NTM: variants seen among roughly 807,000 people sequenced by gnomAD.
NTM encodes IgLON family member 2.
Under a neutral mutation model 42.1 loss-of-function variants are expected in NTM, and 13 were observed. The ratio of observed to expected loss-of-function variants is 0.31; its 90% CI spans 0.20 to 0.49. The LOEUF (loss-of-function observed/expected upper bound fraction) is 0.49. Ranked by LOEUF, NTM falls within the 20% of genes least tolerant of loss-of-function variation. The pLI, the probability that NTM is intolerant of heterozygous loss-of-function variation, is 0.99. For missense variants in NTM, 373 were observed against 452.8 expected (o/e 0.82, Z 1.60); for synonymous variants, 187 against 179.2 (o/e 1.04, Z -0.35).
chr11:131,472,124 T>C (rs1327711667), intron 1 of NTM, among the ~76,000 whole-genome samples: 1 of 152,202 alleles, frequency 6.6e-6, no homozygotes, highest in Non-Finnish European at 1.5e-5. Flanking sequence ...GAGGCTGTAA[T>C]TGAGTCTCTT....
intron 2 of NTM, among the ~76,000 whole-genome samples, chr11:132,073,578 G>C (rs1299121632): frequency 3.3e-5 from 5 of 152,138 alleles, no homozygotes; most frequent in Admixed American, 3.3e-4. Context: ...GAGGTTCAGA[G>C]TGTCTTGACC....
intron 2 of NTM, among the ~76,000 whole-genome samples, chr11:131,951,470 C>T (rs1290565849): frequency 6.6e-6 from 1 of 152,162 alleles, no homozygotes; most frequent in African/African-American, 2.4e-5. Flanking sequence ...TATTAACCTG[C>T]TCCTCTGAAT....
At chr11:132,122,805 C>T (rs2065054350) in intron 2 of NTM, among the ~76,000 whole-genome samples, 1 of 152,130 alleles carries the variant, frequency 6.6e-6, no homozygotes, top group African/African-American at 2.4e-5. Context: ...CTTAAGTTTG[C>T]CCTGTTCAGA....
At chr11:131,740,154 G>A (rs180822855) in intron 1 of NTM, among the ~76,000 whole-genome samples, 113 of 152,324 alleles carry the variant, frequency 7.4e-4, no homozygotes, top group African/African-American at 2.5e-3. Context: ...TCACAGTGGT[G>A]TGGTGGAAAG....
intron 4 of NTM, among the ~76,000 whole-genome samples, chr11:132,255,009 C>T (rs927818748): frequency 6.6e-6 from 1 of 152,208 alleles, no homozygotes; most frequent in African/African-American, 2.4e-5. Context: ...GCAACATCTT[C>T]CCCATTTGGG....
At chr11:132,321,054 G>A (rs978462188) in intron 7 of NTM, among the ~76,000 whole-genome samples, 2 of 151,752 alleles carry the variant, frequency 1.3e-5, no homozygotes, top group Non-Finnish European at 2.9e-5. Flanking sequence ...ACCAAAAGTA[G>A]ATAAAACCAC....
chr11:131,635,649 TATTA>T (rs1240306146), intron 1 of NTM, among the ~76,000 whole-genome samples: 1 of 152,200 alleles, frequency 6.6e-6, no homozygotes, highest in Non-Finnish European at 1.5e-5. Flanking sequence ...AAGACTTTTT[TATTA>T]ATTTAGTGTA....
chr11:131,463,667 T>G (rs369317299), intron 1 of NTM, among the ~76,000 whole-genome samples: 151 of 152,366 alleles, frequency 9.9e-4, no homozygotes, highest in African/African-American at 3.5e-3. Flanking sequence ...TGAACTAGCT[T>G]TACATTGTCC....
intron 1 of NTM, among the ~76,000 whole-genome samples, chr11:131,410,785 G>C (rs921880762): frequency 2.0e-5 from 3 of 151,942 alleles, no homozygotes; most frequent in Non-Finnish European, 4.4e-5. Context: ...ATTTATGCCT[G>C]GTGTTCCATT....
At chr11:131,424,600 C>CTTTTCTT (rs1555108116) in intron 1 of NTM, among the ~76,000 whole-genome samples, 18 of 56,000 alleles carry the variant, frequency 3.2e-4, no homozygotes, top group Non-Finnish European at 4.4e-4. Context: ...CTTTTCTTTT[C>CTTTTCTT]TTTTTTTTTT....
intron 1 of NTM, among the ~76,000 whole-genome samples, chr11:131,696,304 CA>C (rs1463467332): frequency 6.6e-6 from 1 of 152,114 alleles, no homozygotes; most frequent in Non-Finnish European, 1.5e-5. Context: ...TCCGGGAAAA[CA>C]AGGCTTGATG....
At chr11:131,705,103 A>G (rs2076462370) in intron 1 of NTM, among the ~76,000 whole-genome samples, 1 of 152,224 alleles carries the variant, frequency 6.6e-6, no homozygotes, top group Admixed American at 6.5e-5. Context: ...GGAGAGGGAA[A>G]TGAACATCCA....
intron 3 of NTM, among the ~76,000 whole-genome samples, chr11:132,156,145 C>G (rs2073139943): frequency 6.6e-6 from 1 of 152,206 alleles, no homozygotes; most frequent in Non-Finnish European, 1.5e-5. Context: ...CAAACCAAAT[C>G]TGGAGGTTCC....
intron 2 of NTM, among the ~76,000 whole-genome samples, chr11:131,936,609 C>CA (rs1186205647): frequency 6.6e-6 from 1 of 152,116 alleles, no homozygotes; most frequent in African/African-American, 2.4e-5. Flanking sequence ...TCTGTGTAAC[C>CA]AAAAACAACT....
At chr11:131,830,820 T>A (rs1374590603) in intron 1 of NTM, among the ~76,000 whole-genome samples, 1 of 152,188 alleles carries the variant, frequency 6.6e-6, no homozygotes, top group Non-Finnish European at 1.5e-5. Context: ...GTTTTTTCAT[T>A]TGTTTGTGTC....
At chr11:132,196,841 G>T (rs947862450) in intron 3 of NTM, among the ~76,000 whole-genome samples, 1 of 152,144 alleles carries the variant, frequency 6.6e-6, no homozygotes, top group Non-Finnish European at 1.5e-5. Flanking sequence ...CACTACCTGG[G>T]TGACTGGATC....
At chr11:131,874,365 A>C (rs2048285353) in intron 1 of NTM, among the ~76,000 whole-genome samples, 1 of 152,044 alleles carries the variant, frequency 6.6e-6, no homozygotes, top group African/African-American at 2.4e-5. Flanking sequence ...TGTGTTCATC[A>C]TGATGGCTAA....
chr11:131,833,032 TAA>T lies in NTM; in HGVS notation c.83-78530_83-78529del, dbSNP rs1272227652. ...AAAGTTGTCATAAATACCCATAAAA[TAA>T]AGTTTTTCTCTACAATAGTAACTAG... On this transcript the variant is annotated intron_variant, in intron 1 of 8. Transcript: ENST00000683400. Among the ~76,000 whole-genome samples the T allele has an allele frequency of 9.2e-5, 14 of 152,308 alleles. 1 individual carries two copies. The East Asian group carries it at 2.7e-3, about 29-fold the overall frequency.
intron 1 of NTM, among the ~76,000 whole-genome samples, chr11:131,867,489 CTGTT>C (rs1317309351): frequency 1.3e-5 from 2 of 150,608 alleles, no homozygotes; most frequent in Admixed American, 6.6e-5. Context: ...GTGTGTCTAC[CTGTT>C]TATCTGTGAG....
Sources: gnomAD v4.1 joint callset for allele counts (sites outside exome capture counted in the v4.1 genomes callset) on GRCh38, gnomAD v4.1.1 for gene constraint, MANE v1.5 for transcripts, NCBI Gene and HGNC (gene_info 2026-07-23, HGNC 2026-07-21) for gene names.